Variants in AGBL1 observed in about 807,000 individuals in gnomAD.
AGBL1 encodes the protein AGBL carboxypeptidase 1.
Under a neutral mutation model 118.9 loss-of-function variants are expected in AGBL1, and 130 were observed. That is an observed-to-expected ratio of 1.09 (90% CI 0.95 to 1.26). AGBL1 has a LOEUF of 1.26. Among genes scored for constraint, AGBL1 ranks in the 50% most tolerant of loss-of-function variants. The probability of loss-of-function intolerance (pLI) is 0.00; values close to 1 mark genes in which losing one functional copy is unlikely to be tolerated. For synonymous variants in AGBL1, 555 were observed against 478.9 expected (o/e 1.16, Z -2.08); for missense variants, 1,584 against 1,298.1 (o/e 1.22, Z -3.38).
At chr15:86,905,216 G>A (rs1366906603) in intron 22 of AGBL1, among the ~76,000 whole-genome samples, 6 of 152,264 alleles carry the variant, frequency 3.9e-5, no homozygotes, top group East Asian at 3.9e-4. Flanking sequence ...AACTTGATGC[G>A]CGGGAGAACT....
At chr15:86,557,563 C>T (rs183222147) in intron 21 of AGBL1, among the ~76,000 whole-genome samples, 199 of 152,270 alleles carry the variant, frequency 1.3e-3, no homozygotes, top group Non-Finnish European at 2.3e-3. Context: ...TCTCTACCTG[C>T]GAGCTGCATC....
chr15:86,328,715 C>T (rs2080224766), intron 17 of AGBL1, among the ~76,000 whole-genome samples: 1 of 152,130 alleles, frequency 6.6e-6, no homozygotes, highest in African/African-American at 2.4e-5. Context: ...CTGTGACTCA[C>T]CTTTCCACTA....
chr15:86,181,251 C>T (rs868231960), intron 5 of AGBL1, among the ~76,000 whole-genome samples: 10 of 151,914 alleles, frequency 6.6e-5, no homozygotes, highest in African/African-American at 1.4e-4. Context: ...TTGTAATAGC[C>T]GAAAGCTGGA....
intron 21 of AGBL1, among the ~76,000 whole-genome samples, chr15:86,625,172 C>T (rs2084864446): frequency 6.6e-6 from 1 of 152,020 alleles, no homozygotes; most frequent in South Asian, 2.1e-4. Context: ...GTCGGCTCTG[C>T]CTCCTTCAAG....
intron 1 of AGBL1, among the ~76,000 whole-genome samples, chr15:86,137,861 G>A (rs2076909950): frequency 6.6e-6 from 1 of 152,270 alleles, no homozygotes; most frequent in Non-Finnish European, 1.5e-5. Flanking sequence ...AGTGTGTGCA[G>A]CATATGATGT....
intron 23 of AGBL1, among the ~76,000 whole-genome samples, chr15:86,964,012 T>TCTCTCTCTCTCC: frequency 7.4e-6 from 1 of 135,374 alleles, no homozygotes; most frequent in Non-Finnish European, 1.6e-5. Flanking sequence ...CAGGAAACTC[T>TCTCTCTCTCTCC]CTCTCTCTCT....
chr15:86,864,784 C>T (rs943174018), intron 22 of AGBL1, among the ~76,000 whole-genome samples: 2 of 152,116 alleles, frequency 1.3e-5, no homozygotes, highest in African/African-American at 2.4e-5. Flanking sequence ...TCAGGAGTTA[C>T]GATGCACAAT....
chr15:86,207,035 C>A (rs2078005589), intron 5 of AGBL1, among the ~76,000 whole-genome samples: 1 of 152,188 alleles, frequency 6.6e-6, no homozygotes, highest in African/African-American at 2.4e-5. Context: ...ATATGGCTAG[C>A]CAGTTTTCCC....
intron 20 of AGBL1, among the ~76,000 whole-genome samples, chr15:86,552,248 T>C (rs975013803): frequency 6.6e-6 from 1 of 152,146 alleles, no homozygotes; most frequent in Non-Finnish European, 1.5e-5. Context: ...GGGGGGCATA[T>C]GGGAAATCCC....
intron 22 of AGBL1, among the ~76,000 whole-genome samples, chr15:86,793,272 A>G (rs1240012656): frequency 1.3e-5 from 2 of 152,236 alleles, no homozygotes; most frequent in Admixed American, 6.5e-5. Flanking sequence ...TTTAGGGAAG[A>G]CTGGCATAAC....
intron 17 of AGBL1, among the ~76,000 whole-genome samples, chr15:86,324,300 GGAAT>G (rs1351876004): frequency 6.6e-6 from 1 of 152,152 alleles, no homozygotes; most frequent in African/African-American, 2.4e-5. Context: ...ACTCTACCCG[GGAAT>G]GAATGGAGGA....
At chr15:86,509,139 C>G (rs748369820) in intron 18 of AGBL1, among the ~76,000 whole-genome samples, 1 of 152,112 alleles carries the variant, frequency 6.6e-6, no homozygotes. Context: ...AATCCGGTGA[C>G]ACGCACATAC....
intron 24 of AGBL1, among the ~76,000 whole-genome samples, chr15:87,016,920 G>C (rs550010285): frequency 3.3e-5 from 5 of 152,176 alleles, no homozygotes; most frequent in African/African-American, 1.2e-4. Context: ...AGCAGCCACT[G>C]GGGCACACAC....
At chr15:86,513,460 T>A (rs2083077107) in intron 18 of AGBL1, among the ~76,000 whole-genome samples, 1 of 152,068 alleles carries the variant, frequency 6.6e-6, no homozygotes. Context: ...TTAACTTTGA[T>A]CATTTGAATA....
chr15:86,938,982 G>C (rs1308844559), intron 23 of AGBL1: 1 of 152,204 alleles, frequency 6.6e-6, no homozygotes, highest in African/African-American at 2.4e-5. Context: ...AGAGCCTTGG[G>C]GGTGACCCAC....
intron 5 of AGBL1, among the ~76,000 whole-genome samples, chr15:86,190,204 T>C (rs1280221881): frequency 6.6e-6 from 1 of 152,176 alleles, no homozygotes; most frequent in East Asian, 1.9e-4. Context: ...GATGAATATA[T>C]AGCATCTCTT....
chr15:86,208,782 A>C (rs1444905604), intron 5 of AGBL1, among the ~76,000 whole-genome samples: 1 of 152,062 alleles, frequency 6.6e-6, no homozygotes, highest in Non-Finnish European at 1.5e-5. Context: ...TCCTGGATTC[A>C]TTGATTTTTT....
At chr15:86,463,113 T>A (rs2082354075) in intron 18 of AGBL1, among the ~76,000 whole-genome samples, 1 of 152,212 alleles carries the variant, frequency 6.6e-6, no homozygotes, top group Non-Finnish European at 1.5e-5. Flanking sequence ...GTTTCCTGAC[T>A]TTTTAATGAT....
chr15:86,413,017 A>G (rs1483529611), intron 18 of AGBL1, among the ~76,000 whole-genome samples: 14 of 152,200 alleles, frequency 9.2e-5, no homozygotes, highest in Admixed American at 8.5e-4. Flanking sequence ...TTGGATAAAA[A>G]GAATATTCAA....
Sources: gnomAD v4.1 joint callset for allele counts (sites outside exome capture counted in the v4.1 genomes callset) on GRCh38, gnomAD v4.1.1 for gene constraint, MANE v1.5 for transcripts, NCBI Gene and HGNC (gene_info 2026-07-23, HGNC 2026-07-21) for gene names.